Variants in ZNF585A observed in about 807,000 individuals in gnomAD.
ZNF585A encodes zinc finger protein 585A.
A neutral mutation model predicts 14.9 loss-of-function variants in ZNF585A; 9 were observed. The ratio of observed to expected loss-of-function variants is 0.60; its 90% CI spans 0.36 to 1.05. The LOEUF is 1.05. ZNF585A is among the 50% of genes least tolerant of loss of function. ZNF585A has a pLI of 0.01. For missense variants in ZNF585A, 726 were observed against 926.4 expected (o/e 0.78, Z 2.81); for synonymous variants, 276 against 319.9 (o/e 0.86, Z 1.46).
chr19:37,168,131 ATTC>A (rs1258750284), intron 2 of ZNF585A, among the ~76,000 whole-genome samples: 1 of 152,174 alleles, frequency 6.6e-6, no homozygotes, highest in Non-Finnish European at 1.5e-5. Context: ...TTATTTGTAT[ATTC>A]TTCCTTTTAT....
In ZNF585A at chr19:37,151,813, C is replaced by A; in HGVS notation, c.2086G>T (p.Gly696Trp). ...GEKPYECSDC[G>W]KSFTKKSQLQ... is the part of the protein sequence containing the mutation. ...TGTGATTTTTTAGTGAAAGACTTCC[C>A]ACAGTCACTGCACTCATAAGGTTTC... Residue 696 changes from glycine to tryptophan, a missense_variant, in exon 5 of 5, where the codon GGG (glycine) becomes TGG (tryptophan). Coordinates refer to ENST00000292841, the MANE Select transcript of ZNF585A (RefSeq NM_001288800.2). The A allele has an allele frequency of 3.7e-6, 6 of 1,612,602 alleles. No individual in the cohort carries two copies. Among genetic ancestry groups the A allele is most frequent in the Non-Finnish European group, 5.1e-6 (6 of 1,179,208 alleles).
At chr19:37,168,943 T>C (rs942480558) in intron 2 of ZNF585A, among the ~76,000 whole-genome samples, 4 of 152,210 alleles carry the variant, frequency 2.6e-5, no homozygotes, top group Non-Finnish European at 5.9e-5. Context: ...AAATCGGTCC[T>C]GTATGTTGAG....
At chr19:37,158,108 G>A (rs765457557) in intron 2 of ZNF585A, among the ~76,000 whole-genome samples, 5 of 152,006 alleles carry the variant, frequency 3.3e-5, no homozygotes, top group Non-Finnish European at 7.4e-5. Flanking sequence ...GGATGGTCTC[G>A]ATCTCCTGAC....
Position 37,150,758 on chromosome 19 carries a change from A to G in ZNF585A, c.*831T>C, listed in dbSNP as rs1188241177. The G allele has an allele frequency of 6.5e-6, 1 of 154,772 alleles. No homozygotes were observed. The highest frequency in any genetic ancestry group is 1.5e-5 in the Non-Finnish European group (1 of 68,200). 9.6% of individuals were successfully genotyped at this position (154,772 alleles called of 1,614,324 possible). On this transcript the variant is annotated 3_prime_UTR_variant, in exon 5 of 5. Transcript: ENST00000292841. ...GTCAGTGATGAGTACGAAAAAAAAA[A>G]AAAGGCAACTGAGTTGGAAGAACTA... is the stretch of plus-strand genomic sequence containing the variant.
chr19:37,157,752 G>A (rs1971952927), intron 2 of ZNF585A, among the ~76,000 whole-genome samples: 1 of 152,166 alleles, frequency 6.6e-6, no homozygotes, highest in African/African-American at 2.4e-5. Flanking sequence ...CAGAAAAGCA[G>A]TATAGGAAAA....
At chr19:37,165,543 G>A in intron 2 of ZNF585A, 1 of 662,062 alleles carries the variant, frequency 1.5e-6, no homozygotes, top group South Asian at 6.8e-5. Flanking sequence ...TGGCTTTGGA[G>A]TGGGTTGCTG....
At chr19:37,169,123 C>T (rs1035497418) in intron 2 of ZNF585A, among the ~76,000 whole-genome samples, 4 of 151,918 alleles carry the variant, frequency 2.6e-5, no homozygotes, top group South Asian at 4.2e-4. Context: ...TATTTTTGAA[C>T]GAAGTGTATA....
intron 2 of ZNF585A, among the ~76,000 whole-genome samples, chr19:37,164,561 T>C (rs1191645270): frequency 6.6e-6 from 1 of 151,596 alleles, no homozygotes; most frequent in Non-Finnish European, 1.5e-5. Flanking sequence ...GCTATCAAAT[T>C]TTTTTCTTTT....
chr19:37,145,845 A>C lies in ZNF585A; in HGVS notation c.*5744T>G, dbSNP rs1488532682. 4 of 152,254 alleles carry C rather than the reference A, an allele frequency of 2.6e-5. No homozygotes were observed. The highest frequency in any genetic ancestry group is 4.4e-5 in the Non-Finnish European group (3 of 68,036). 9.4% of individuals were successfully genotyped at this position (152,254 alleles called of 1,614,324 possible). ...TAGCAGAGACAGAGGATTTCTTAGC[A>C]TCAGAATTGATATGTTGTTATTTAT... On this transcript the variant is annotated 3_prime_UTR_variant, in exon 5 of 5. Coordinates refer to ENST00000292841, the MANE Select transcript of ZNF585A (RefSeq NM_001288800.2).
chr19:37,154,834 A>T (rs1440318184), intron 4 of ZNF585A, among the ~76,000 whole-genome samples: 2 of 151,702 alleles, frequency 1.3e-5, no homozygotes, highest in Admixed American at 6.6e-5. Context: ...AAAAGAAAAG[A>T]AATAAAAGTG....
At chr19:37,161,736 T>C (rs1972016458) in intron 2 of ZNF585A, among the ~76,000 whole-genome samples, 2 of 152,186 alleles carry the variant, frequency 1.3e-5, no homozygotes. Flanking sequence ...TTAATGAATA[T>C]TGAATACAAA....
At position 37,150,081 on chromosome 19, in the gene ZNF585A, G is replaced by C. The variant is rs1056413106; in HGVS notation, c.*1508C>G. 2 of 150,938 alleles carry C rather than the reference G, an allele frequency of 1.3e-5. No individual in the cohort carries two copies. Among genetic ancestry groups the C allele is most frequent in the Non-Finnish European group, 2.9e-5 (2 of 67,954 alleles). The allele number at this position is 150,938 out of a possible 1,614,324, so 9.3% of individuals were successfully genotyped here. On this transcript the variant is annotated 3_prime_UTR_variant, in exon 5 of 5. Transcript: ENST00000292841. ...ATGGGCATCAACAGACATTGGGCTA[G>C]TTTTTGTTTTTTTTTTTTTTAACTG...
chr19:37,167,364 G>A (rs1213098594), intron 2 of ZNF585A, among the ~76,000 whole-genome samples: 2 of 151,816 alleles, frequency 1.3e-5, no homozygotes, highest in East Asian at 1.9e-4. Context: ...TAGTAGAGAC[G>A]GAGTTTCACC....
At chr19:37,167,103 G>C (rs1293499290) in intron 2 of ZNF585A, among the ~76,000 whole-genome samples, 2 of 151,940 alleles carry the variant, frequency 1.3e-5, no homozygotes, top group Non-Finnish European at 1.5e-5. Context: ...CAAAGTGCTG[G>C]GATTACAGGC....
At position 37,153,558 on chromosome 19, in the gene ZNF585A, T is replaced by A. The variant is rs766822927; in HGVS notation, c.341A>T (p.Lys114Ile). 6.2e-7 allele frequency: 1 copy of A among 1,613,934 alleles called. No homozygotes were observed. The highest frequency in any genetic ancestry group is 8.5e-7 in the Non-Finnish European group (1 of 1,179,988). ...HNQCRKILSY[K>I]QVSSQPQKMY... ...TTTTTGAGGTTGAGAGGATACTTGTTTATAACTGAGGATTTTTCTACATTG... is the reference window on the plus strand; with the variant it reads ...TTTTTGAGGTTGAGAGGATACTTGTATATAACTGAGGATTTTTCTACATTG... The change falls in exon 5 of 5, where the codon AAA (lysine) becomes ATA (isoleucine). Residue 114 changes from lysine (K) to isoleucine (I), a missense_variant. Physicochemically the swap from Lys to Ile is moderately radical, Grantham distance 102 (BLOSUM62 -3). Transcript: ENST00000292841.
At position 37,152,643 on chromosome 19, in the gene ZNF585A, A is replaced by T; in HGVS notation, c.1256T>A (p.Phe419Tyr). Residue 419 changes from phenylalanine to tyrosine, a missense_variant, in exon 5 of 5, where the codon TTC (phenylalanine) becomes TAC (tyrosine). Physicochemically the swap from Phe to Tyr is conservative, Grantham distance 22 (BLOSUM62 3). Transcript: ENST00000292841. ...TGCAATCAAGTGTGCCTTCTGAATG[A>T]AGGCCAGTCCACATTTCATGCATAT... Reference protein sequence around the residue: ...SYICMKCGLAFIQKAHLIAHQ... With the variant: ...SYICMKCGLAYIQKAHLIAHQ... The T allele has an allele frequency of 6.2e-7, 1 of 1,614,064 alleles. No individual in the cohort carries two copies. The highest frequency in any genetic ancestry group is 1.7e-5 in the Admixed American group (1 of 60,020).
intron 2 of ZNF585A, among the ~76,000 whole-genome samples, chr19:37,158,329 T>C (rs1046351267): frequency 1.3e-5 from 2 of 152,206 alleles, no homozygotes; most frequent in Non-Finnish European, 1.5e-5. Flanking sequence ...GTTGAAAGGC[T>C]GAAGGGAAGC....
At chr19:37,168,186 CT>C (rs1326790372) in intron 2 of ZNF585A, among the ~76,000 whole-genome samples, 4 of 152,050 alleles carry the variant, frequency 2.6e-5, no homozygotes, top group African/African-American at 9.7e-5. Context: ...TGATTTTCAC[CT>C]TAAATTCCTT....
In ZNF585A at chr19:37,151,812, C is replaced by T. The variant is rs1971834222; in HGVS notation, c.2087G>A (p.Gly696Glu). Reference sequence around the variant, plus strand: ...CTGTGATTTTTTAGTGAAAGACTTCCCACAGTCACTGCACTCATAAGGTTT... The same window carrying T: ...CTGTGATTTTTTAGTGAAAGACTTCTCACAGTCACTGCACTCATAAGGTTT... ...GEKPYECSDCGKSFTKKSQLQ... is the reference protein window; with the variant it reads ...GEKPYECSDCEKSFTKKSQLQ... The change falls in exon 5 of 5, where the codon GGG becomes GAG. Residue 696 changes from glycine to glutamate, a missense_variant. By Grantham distance (98) the Gly-to-Glu change is moderately conservative. Around this residue, in one of 2 missense-constraint regions of ZNF585A, gnomAD observed 243 missense variants for 383.6 expected, o/e 0.63. Coordinates refer to ENST00000292841, the MANE Select transcript of ZNF585A (RefSeq NM_001288800.2). 8 of 1,612,506 alleles carry T rather than the reference C, an allele frequency of 5.0e-6. No individual in the cohort carries two copies. The highest frequency in any genetic ancestry group is 2.2e-5 in the South Asian group (2 of 90,970).
Sources: allele counts gnomAD v4.1 joint callset (sites outside exome capture counted in the v4.1 genomes callset), GRCh38; gene constraint gnomAD v4.1.1; regional missense constraint gnomAD v4.1.1; transcripts MANE v1.5; gene names NCBI Gene and HGNC (gene_info 2026-07-23, HGNC 2026-07-21).